PARD3B: variants seen among roughly 807,000 people sequenced by gnomAD.
The protein encoded by PARD3B is partitioning defective 3 homolog B.
In PARD3B, 103 loss-of-function variants were observed where a neutral mutation model predicts 130.2. The observed-to-expected ratio is 0.79, with a 90% CI of 0.67 to 0.93. The LOEUF is 0.93. PARD3B is among the 40% of genes least tolerant of loss of function. The pLI is 0.00. For missense variants in PARD3B, 1,609 were observed against 1,499.2 expected (o/e 1.07, Z -1.21); for synonymous variants, 583 against 553.2 (o/e 1.05, Z -0.76).
intron 18 of PARD3B, among the ~76,000 whole-genome samples, chr2:205,394,361 A>G (rs1460479846): frequency 1.3e-5 from 2 of 152,110 alleles, no homozygotes; most frequent in South Asian, 2.1e-4. Flanking sequence ...GCATCACATT[A>G]ACTGATAAAT....
At position 204,890,067 on chromosome 2, in the gene PARD3B, C is replaced by T. The variant is rs908772479; in HGVS notation, c.223-75085C>T. ...TACTTTTGGCATATGTTCTCTGGGA[C>T]TATCGGTTTTATTGCAACTGGATGC... On this transcript the variant is annotated intron_variant, in intron 2 of 22. Coordinates refer to ENST00000406610, the MANE Select transcript of PARD3B (RefSeq NM_001302769.2). This position sits in a 1 kb window ranked among gnomAD's most constrained non-coding sequence, Gnocchi z 4.9. 6.6e-6 allele frequency among the ~76,000 whole-genome samples: 1 copy of T among 152,264 alleles called. No homozygotes were observed. The highest frequency in any genetic ancestry group is 1.9e-4 in the East Asian group (1 of 5,172).
At chr2:205,552,533 T>G (rs1575339009) in intron 21 of PARD3B, among the ~76,000 whole-genome samples, 1 of 152,064 alleles carries the variant, frequency 6.6e-6, no homozygotes, top group Non-Finnish European at 1.5e-5. Flanking sequence ...CTCAGCCTCC[T>G]GAGTAACTGG....
At chr2:204,850,146 A>G (rs1196068296) in intron 2 of PARD3B, among the ~76,000 whole-genome samples, 1 of 152,142 alleles carries the variant, frequency 6.6e-6, no homozygotes, top group Non-Finnish European at 1.5e-5. Context: ...TGATGCTTTC[A>G]GATTTGCTAC....
chr2:204,931,715 C>T (rs755503927), intron 2 of PARD3B, among the ~76,000 whole-genome samples: 17 of 151,832 alleles, frequency 1.1e-4, no homozygotes, highest in Non-Finnish European at 1.8e-4. Context: ...CTGTTACTTA[C>T]TGGCCCTGTA....
At chr2:204,574,064 C>T (rs1444711065) in intron 1 of PARD3B, among the ~76,000 whole-genome samples, 1 of 152,150 alleles carries the variant, frequency 6.6e-6, no homozygotes, top group African/African-American at 2.4e-5. Context: ...GGCCTTTCTT[C>T]TGGGCTTTTC....
At chr2:205,490,475 G>A (rs946894413) in intron 20 of PARD3B, among the ~76,000 whole-genome samples, 2 of 152,096 alleles carry the variant, frequency 1.3e-5, no homozygotes, top group African/African-American at 4.8e-5. Context: ...AGTATTCTGT[G>A]GTGTATATGT....
chr2:205,472,293 GCA>G (rs1005633820), intron 20 of PARD3B, among the ~76,000 whole-genome samples: 5 of 151,882 alleles, frequency 3.3e-5, no homozygotes, highest in Non-Finnish European at 5.9e-5. Flanking sequence ...ACACACATGT[GCA>G]CACACACACA....
At chr2:205,038,191 T>C (rs1698147601) in intron 3 of PARD3B, among the ~76,000 whole-genome samples, 1 of 152,176 alleles carries the variant, frequency 6.6e-6, no homozygotes, top group Non-Finnish European at 1.5e-5. Context: ...CTTGAGGTCC[T>C]TGAATGCCAG....
At chr2:204,868,945 T>TA (rs2045527562) in intron 2 of PARD3B, among the ~76,000 whole-genome samples, 1 of 152,176 alleles carries the variant, frequency 6.6e-6, no homozygotes, top group African/African-American at 2.4e-5. Flanking sequence ...AATCAGGTGT[T>TA]ATACTTATCC....
intron 2 of PARD3B, among the ~76,000 whole-genome samples, chr2:204,843,790 A>G (rs945257390): frequency 3.3e-5 from 5 of 152,154 alleles, no homozygotes; most frequent in Non-Finnish European, 5.9e-5. Flanking sequence ...CTATCAAAAC[A>G]TACTTTTGTA....
intron 22 of PARD3B, among the ~76,000 whole-genome samples, chr2:205,593,729 C>T (rs2054472542): frequency 1.3e-5 from 2 of 152,018 alleles, no homozygotes; most frequent in Admixed American, 6.5e-5. Flanking sequence ...ATTACGGTGG[C>T]GAGAGGTGGG....
intron 1 of PARD3B, among the ~76,000 whole-genome samples, chr2:204,681,654 C>T (rs1190762394): frequency 1.3e-5 from 2 of 152,126 alleles, no homozygotes; most frequent in African/African-American, 4.8e-5. Context: ...TTTTCCAAAA[C>T]TCTTGTTTTT....
intron 1 of PARD3B, among the ~76,000 whole-genome samples, chr2:204,592,524 G>T (rs558589268): frequency 1.3e-5 from 2 of 152,150 alleles, no homozygotes; most frequent in East Asian, 3.9e-4. Flanking sequence ...AAAACTTATT[G>T]TCATAGTATA....
rs1156384209 is a variant in PARD3B at position 205,241,426 on chromosome 2, T to C, written c.2141-4352T>C. 6.6e-6 allele frequency among the ~76,000 whole-genome samples: 1 copy of C among 152,178 alleles called. No individual in the cohort carries two copies. Among genetic ancestry groups the C allele is most frequent in the Non-Finnish European group, 1.5e-5 (1 of 68,026 alleles). On this transcript the variant is annotated intron_variant, in intron 15 of 22. Coordinates refer to ENST00000406610, the MANE Select transcript of PARD3B (RefSeq NM_001302769.2). The surrounding 1 kb of genome is among the most constrained non-coding windows in gnomAD (Gnocchi z 4.2). ...TAATAAAATAACAGTTATAAAAATA[T>C]TTATGAATTGCAGCTTCAGAAACCT...
intron 3 of PARD3B, among the ~76,000 whole-genome samples, chr2:204,998,178 G>T (rs905617795): frequency 6.7e-6 from 1 of 149,206 alleles, no homozygotes; most frequent in South Asian, 2.1e-4. Context: ...CATGGGGTGG[G>T]ATCTAGGAGA....
intron 2 of PARD3B, among the ~76,000 whole-genome samples, chr2:204,779,761 A>G (rs749044597): frequency 2.6e-5 from 4 of 152,156 alleles, no homozygotes; most frequent in Non-Finnish European, 4.4e-5. Context: ...TCCCACTCCA[A>G]CACCTGGGCT....
At chr2:205,593,332 T>A (rs2106604718) in intron 22 of PARD3B, among the ~76,000 whole-genome samples, 1 of 152,366 alleles carries the variant, frequency 6.6e-6, no homozygotes, top group Middle Eastern at 3.4e-3. Flanking sequence ...TGAAGGTAAT[T>A]AACTTTTTAA....
At chr2:205,186,734 A>G (rs2036124218) in intron 14 of PARD3B, among the ~76,000 whole-genome samples, 1 of 152,190 alleles carries the variant, frequency 6.6e-6, no homozygotes, top group Non-Finnish European at 1.5e-5. Context: ...GAAGTCAGTT[A>G]TCTTGCTAAC....
In PARD3B at chr2:205,562,643, G is replaced by A. The variant is rs2053178281; in HGVS notation, c.3260+9240G>A. 6.6e-6 allele frequency among the ~76,000 whole-genome samples: 1 copy of A among 152,194 alleles called. No homozygotes were observed. Among genetic ancestry groups the A allele is most frequent in the Non-Finnish European group, 1.5e-5 (1 of 68,024 alleles). On this transcript the variant is annotated intron_variant, in intron 22 of 22. Coordinates refer to ENST00000406610, the MANE Select transcript of PARD3B (RefSeq NM_001302769.2). The surrounding 1 kb of genome is among the most constrained non-coding windows in gnomAD (Gnocchi z 5.4). ...TCTCCAGCCAAAAGAAAAGAAGGTT[G>A]TTTTGTGCCTAGGCATCTGCTTAGA...
Sources: gnomAD v4.1 joint callset for allele counts (sites outside exome capture counted in the v4.1 genomes callset) on GRCh38, gnomAD v4.1.1 for gene constraint, Gnocchi (gnomAD v3.1) non-coding constraint, MANE v1.5 for transcripts, NCBI Gene and HGNC (gene_info 2026-07-23, HGNC 2026-07-21) for gene names.